The following CFAP299 variants were observed in gnomAD, a reference collection of about 807,000 sequenced individuals.
CFAP299 encodes the protein cilia and flagella associated protein 299.
A neutral mutation model predicts 27.0 loss-of-function variants in CFAP299; 21 were observed. That is an observed-to-expected ratio of 0.78 (90% CI 0.55 to 1.12). CFAP299 has a LOEUF of 1.12. Among genes scored for constraint, CFAP299 ranks in the 50% most tolerant of loss-of-function variants. CFAP299 has a pLI of 0.00. For synonymous variants in CFAP299, 104 were observed against 98.1 expected (o/e 1.06, Z -0.36); for missense variants, 310 against 276.6 (o/e 1.12, Z -0.86).
At chr4:80,765,702 AC>A (rs1470714091) in intron 3 of CFAP299, among the ~76,000 whole-genome samples, 8 of 152,082 alleles carry the variant, frequency 5.3e-5, no homozygotes, top group African/African-American at 1.9e-4. Flanking sequence ...ATAAATGTAA[AC>A]AAAAACTAAA....
At chr4:80,669,575 T>C (rs565285112) in intron 3 of CFAP299, among the ~76,000 whole-genome samples, 1 of 136,866 alleles carries the variant, frequency 7.3e-6, no homozygotes, top group African/African-American at 2.9e-5. Flanking sequence ...ACAGTTTTTC[T>C]TTTTTTTTTT....
chr4:80,919,393 C>T (rs924405538), intron 4 of CFAP299, among the ~76,000 whole-genome samples: 1 of 152,120 alleles, frequency 6.6e-6, no homozygotes, highest in Non-Finnish European at 1.5e-5. Context: ...AGCCTCTGGT[C>T]ATAATCATGT....
intron 2 of CFAP299, among the ~76,000 whole-genome samples, chr4:80,393,008 C>G (rs868074324): frequency 5.9e-5 from 9 of 152,200 alleles, no homozygotes; most frequent in Middle Eastern, 3.4e-3. Flanking sequence ...GTTATTACCC[C>G]TGAAGACTTT....
rs375559115 is a variant in CFAP299 at position 80,524,871 on chromosome 4, C to T, written c.243-58222C>T. Among the ~76,000 whole-genome samples, 7 of 152,118 alleles carry T rather than the reference C, an allele frequency of 4.6e-5. No individual in the cohort carries two copies. In the East Asian group the frequency reaches 5.8e-4, roughly 13 times the overall value. ...TAGCTGGTTCTCCTGCTGGTTCTCACGAAGCTGCATTCAGGTGTTGGCAGA... is the reference window on the plus strand; with the variant it reads ...TAGCTGGTTCTCCTGCTGGTTCTCATGAAGCTGCATTCAGGTGTTGGCAGA... On this transcript the variant is annotated intron_variant, in intron 2 of 5. Transcript: ENST00000358105.
chr4:80,402,175 T>G (rs983648990), intron 2 of CFAP299, among the ~76,000 whole-genome samples: 98 of 152,114 alleles, frequency 6.4e-4, no homozygotes, highest in Non-Finnish European at 1.3e-4. Context: ...CTGTGGACTT[T>G]TGGATTAATG....
chr4:80,546,916 G>T (rs74463235), intron 2 of CFAP299, among the ~76,000 whole-genome samples: 6,786 of 152,118 alleles, frequency 0.045, 534 homozygotes, highest in African/African-American at 0.15. Flanking sequence ...GTCTAACATA[G>T]ATAGGAAGAA....
chr4:80,335,856 A>T lies in CFAP299; in HGVS notation c.88A>T (p.Thr30Ser), dbSNP rs1005756099. Residue 30 changes from threonine (T) to serine (S), a missense_variant, in exon 1 of 6, where the codon ACT becomes TCT. Transcript: ENST00000358105. The part of the protein sequence containing the change: ...YEDFLDSQIT[T>S]VDLYYLEDET... ...AGATTTCCTGGACTCGCAGATCACT[A>T]CTGTGGACTTGTACTACCTGGAGGT... The T allele has an allele frequency of 4.3e-6, 7 of 1,611,392 alleles. No homozygotes were observed. Among genetic ancestry groups the T allele is most frequent in the Non-Finnish European group, 5.9e-6 (7 of 1,177,582 alleles).
upstream of CFAP299, among the ~76,000 whole-genome samples, chr4:80,333,227 G>A (rs920255322): frequency 2.6e-5 from 4 of 152,130 alleles, no homozygotes; most frequent in Non-Finnish European, 2.9e-5. Flanking sequence ...GAGACTGTGA[G>A]GAAGTCCAGC....
At chr4:80,584,489 A>G (rs1036202601) in intron 3 of CFAP299, among the ~76,000 whole-genome samples, 2 of 152,080 alleles carry the variant, frequency 1.3e-5, no homozygotes, top group Non-Finnish European at 2.9e-5. Context: ...TTTTGAGACA[A>G]TAATTTCCAA....
At chr4:80,474,102 G>C (rs1478691072) in intron 2 of CFAP299, among the ~76,000 whole-genome samples, 1 of 152,066 alleles carries the variant, frequency 6.6e-6, no homozygotes, top group Non-Finnish European at 1.5e-5. Context: ...TTATGCAGAG[G>C]AATATGTTGA....
chr4:80,888,810 CAA>C (rs1275692766), intron 4 of CFAP299, among the ~76,000 whole-genome samples: 3 of 151,618 alleles, frequency 2.0e-5, no homozygotes, highest in African/African-American at 4.8e-5. Context: ...AAATCAATAA[CAA>C]GAGGAATTTT....
chr4:80,496,597 C>T (rs1333827722), intron 2 of CFAP299, among the ~76,000 whole-genome samples: 3 of 152,232 alleles, frequency 2.0e-5, no homozygotes, highest in Non-Finnish European at 2.9e-5. Flanking sequence ...GCTCTTGGCA[C>T]TCTTCCAACC....
intron 3 of CFAP299, among the ~76,000 whole-genome samples, chr4:80,754,520 A>G (rs1725121091): frequency 6.6e-6 from 1 of 150,468 alleles, no homozygotes; most frequent in Non-Finnish European, 1.5e-5. Flanking sequence ...CCATTGTAGT[A>G]GGTTTTCAAG....
At chr4:80,649,626 A>G (rs1740190727) in intron 3 of CFAP299, among the ~76,000 whole-genome samples, 1 of 152,150 alleles carries the variant, frequency 6.6e-6, no homozygotes, top group Admixed American at 6.6e-5. Flanking sequence ...TAGAAATTGC[A>G]TCATTAGATT....
At chr4:80,660,872 C>T (rs1162203060) in intron 3 of CFAP299, among the ~76,000 whole-genome samples, 2 of 152,054 alleles carry the variant, frequency 1.3e-5, no homozygotes, top group East Asian at 1.9e-4. Context: ...GATGTAGCTA[C>T]AAGTGCAGTG....
chr4:80,424,842 A>G (rs547852980), intron 2 of CFAP299, among the ~76,000 whole-genome samples: 2 of 152,254 alleles, frequency 1.3e-5, no homozygotes, highest in East Asian at 1.9e-4. Flanking sequence ...ATCACTAAAC[A>G]TTGCATAGTT....
At chr4:80,857,696 G>T (rs917524991) in intron 3 of CFAP299, among the ~76,000 whole-genome samples, 2 of 152,144 alleles carry the variant, frequency 1.3e-5, no homozygotes, top group African/African-American at 4.8e-5. Context: ...CTGTTTATAT[G>T]CTGGATTACA....
chr4:80,702,551 C>A (rs1721565127), intron 3 of CFAP299, among the ~76,000 whole-genome samples: 1 of 151,768 alleles, frequency 6.6e-6, no homozygotes, highest in Admixed American at 6.6e-5. Flanking sequence ...CAGATAAGAC[C>A]ATACAACTAT....
chr4:80,474,574 G>A (rs1396883923), intron 2 of CFAP299, among the ~76,000 whole-genome samples: 1 of 151,992 alleles, frequency 6.6e-6, no homozygotes, highest in Admixed American at 6.6e-5. Flanking sequence ...ATTTAACTAT[G>A]GTTTTATATC....
Sources: gnomAD v4.1 joint callset for allele counts (sites outside exome capture counted in the v4.1 genomes callset) on GRCh38, gnomAD v4.1.1 for gene constraint, MANE v1.5 for transcripts, NCBI Gene and HGNC (gene_info 2026-07-23, HGNC 2026-07-21) for gene names.